INCENP: variants seen among roughly 807,000 people sequenced by gnomAD.
INCENP encodes binds and activates aurora-B and -C in vivo and in vitro.
A neutral mutation model predicts 107.3 loss-of-function variants in INCENP; 43 were observed. The observed-to-expected ratio is 0.40, with a 90% CI of 0.31 to 0.52. The LOEUF (loss-of-function observed/expected upper bound fraction) is 0.52. Among genes scored for constraint, INCENP ranks in the 20% least tolerant of loss-of-function variants. The probability of loss-of-function intolerance (pLI) is 0.53; values close to 1 mark genes in which losing one functional copy is unlikely to be tolerated. For missense variants in INCENP, 1,089 were observed against 1,250.9 expected (o/e 0.87, Z 1.95); for synonymous variants, 488 against 494.4 (o/e 0.99, Z 0.17).
At chr11:62,127,810 T>C (rs1446453567) in intron 1 of INCENP, among the ~76,000 whole-genome samples, 1 of 151,850 alleles carries the variant, frequency 6.6e-6, no homozygotes, top group East Asian at 1.9e-4. Context: ...CAGTGCCCTG[T>C]CATCTTAAGC....
chr11:62,131,550 T>C (rs1222163666), intron 4 of INCENP, among the ~76,000 whole-genome samples: 2 of 152,160 alleles, frequency 1.3e-5, no homozygotes, highest in Admixed American at 6.5e-5. Context: ...ATATGTGTTA[T>C]TGGCAGAGGG....
intron 10 of INCENP, 28 bp downstream of exon 10, chr11:62,141,072 T>C: frequency 6.2e-7 from 1 of 1,601,620 alleles, no homozygotes; most frequent in Non-Finnish European, 8.5e-7. Context: ...AGGCCGGGCT[T>C]TGTGGGAGCT....
chr11:62,125,552 A>G (rs982389128), intron 1 of INCENP, among the ~76,000 whole-genome samples: 4 of 152,236 alleles, frequency 2.6e-5, no homozygotes, highest in Non-Finnish European at 5.9e-5. Flanking sequence ...TTTCAGCCCA[A>G]AGCCTGTACG....
chr11:62,134,453 T>TA (rs1943950545), intron 4 of INCENP, among the ~76,000 whole-genome samples: 1 of 151,686 alleles, frequency 6.6e-6, no homozygotes, highest in South Asian at 2.1e-4. Context: ...TATTGATCGT[T>TA]ACTGTATTAA....
chr11:62,152,035 G>A lies in INCENP; in HGVS notation c.*59G>A, dbSNP rs1565105651. 5 of 1,349,500 alleles carry A rather than the reference G, an allele frequency of 3.7e-6. No individual in the cohort carries two copies. Among genetic ancestry groups the A allele is most frequent in the African/African-American group, 1.4e-5 (1 of 69,358 alleles). The allele number at this position is 1,349,500 out of a possible 1,614,324, so 83.6% of individuals were successfully genotyped here. On this transcript the variant is annotated 3_prime_UTR_variant, in exon 19 of 19. Coordinates refer to ENST00000394818, the MANE Select transcript of INCENP (RefSeq NM_001040694.2). ...CCTGTCCATGTCTATCTGTCTGTCT[G>A]TCGGTCTCTGTCTTGGTCTGTTGCC...
In INCENP at chr11:62,140,948, G is replaced by A; in HGVS notation, c.1497G>A (p.Val499=). 1 of 1,614,238 alleles carries A rather than the reference G, an allele frequency of 6.2e-7. No homozygotes were observed. Residue 499 remains valine, a synonymous_variant, in exon 10 of 19, where the codon GTG becomes GTA. Coordinates refer to ENST00000394818, the MANE Select transcript of INCENP (RefSeq NM_001040694.2). Reference sequence around the variant, plus strand: ...CCCTCCGGACCTTTCTGCACACAGTGCAGAGGAACCAGATGCTCATGACCC... The same window carrying A: ...CCCTCCGGACCTTTCTGCACACAGTACAGAGGAACCAGATGCTCATGACCC... ...VRPLRTFLHT[V]QRNQMLMTPT...
rs199621583 is a variant in INCENP at position 62,145,275 on chromosome 11, G to A, written c.1822G>A (p.Glu608Lys). The A allele has an allele frequency of 5.0e-5, 80 of 1,613,860 alleles. No individual in the cohort carries two copies. The South Asian group carries it at 6.8e-4, about 14-fold the overall frequency. Reference protein sequence around the residue: ...QIEQKFAQIDEKTEKAKEERL... With the variant: ...QIEQKFAQIDKKTEKAKEERL... ...TGAGCAGAAGTTTGCTCAGATCGAC[G>A]AGAAGACTGAGAAGGTGGGAGCCTG... is the stretch of plus-strand genomic sequence containing the variant. Residue 608 changes from glutamate (E) to lysine (K), a missense_variant, in exon 13 of 19, where the codon GAG (glutamate) becomes AAG (lysine). By Grantham distance (56) the Glu-to-Lys change is moderately conservative. Transcript: ENST00000394818.
intron 4 of INCENP, among the ~76,000 whole-genome samples, chr11:62,131,648 C>T (rs1943895826): frequency 6.6e-6 from 1 of 152,110 alleles, no homozygotes; most frequent in Non-Finnish European, 1.5e-5. Flanking sequence ...AACTTGACCC[C>T]ACTGAAGCAA....
At chr11:62,137,953 G>A (rs2069730206) in intron 5 of INCENP, 70 bp downstream of exon 5, 4 of 1,378,996 alleles carry the variant, frequency 2.9e-6, no homozygotes, top group Admixed American at 1.7e-5. Context: ...TGAGCACCAG[G>A]GCTGGAAGCA....
intron 16 of INCENP, 79 bp downstream of exon 16, chr11:62,148,633 G>A (rs1254136997): frequency 1.3e-6 from 2 of 1,495,212 alleles, no homozygotes; most frequent in Non-Finnish European, 9.1e-7. Flanking sequence ...AGCAGGGGCT[G>A]CCTAGGGAGG....
At position 62,130,537 on chromosome 11, in the gene INCENP, G is replaced by A; in HGVS notation, c.1010G>A (p.Arg337Lys). 2 of 1,613,970 alleles carry A rather than the reference G, an allele frequency of 1.2e-6. No individual in the cohort carries two copies. The highest frequency in any genetic ancestry group is 1.7e-6 in the Non-Finnish European group (2 of 1,180,032). The change falls in exon 4 of 19, where the codon AGA becomes AAA. Residue 337 changes from arginine (R) to lysine (K), a missense_variant. Coordinates refer to ENST00000394818, the MANE Select transcript of INCENP (RefSeq NM_001040694.2). ...GAAAGTGTTGTCCGCAGGGCGAGCAGAAGGCTTGCCAAGAAGACTGCCGAA... is the reference window on the plus strand; with the variant it reads ...GAAAGTGTTGTCCGCAGGGCGAGCAAAAGGCTTGCCAAGAAGACTGCCGAA... ...KQESVVRRASRRLAKKTAEEP... is the reference protein window; with the variant it reads ...KQESVVRRASKRLAKKTAEEP...
chr11:62,130,777 G>T (rs570121045), intron 4 of INCENP, among the ~76,000 whole-genome samples, 187 bp downstream of exon 4: 1 of 152,264 alleles, frequency 6.6e-6, no homozygotes, highest in African/African-American at 2.4e-5. Flanking sequence ...TCCTCAAAAT[G>T]TGGCTAGTGT....
chr11:62,128,078 T>A lies in INCENP; in HGVS notation c.-11-73T>A. 12 of 1,519,984 alleles carry A rather than the reference T, an allele frequency of 7.9e-6. No individual in the cohort carries two copies. In the South Asian group the frequency reaches 1.4e-4, roughly 18 times the overall value. The allele number at this position is 1,519,984 out of a possible 1,614,324, so 94.2% of individuals were successfully genotyped here. On this transcript the variant is annotated intron_variant, in intron 1 of 18. Transcript: ENST00000394818. ...GTGGTGGTTGTGGGTCAGGTGGGTA[T>A]TGCAGCTTGGAGAAAGCCCCAGACC...
Position 62,129,939 on chromosome 11 carries a change from T to C in INCENP, c.412T>C (p.Leu138=). The C allele has an allele frequency of 6.2e-7, 1 of 1,614,022 alleles. No homozygotes were observed. Among genetic ancestry groups the C allele is most frequent in the Non-Finnish European group, 8.5e-7 (1 of 1,180,012 alleles). The change falls in exon 4 of 19, where the codon TTG becomes CTG. Residue 138 remains leucine, a synonymous_variant. Transcript: ENST00000394818. ...AAAAAAATMA[L]AAPSSPTPES... is the part of the protein sequence containing the mutation. ...TGCAGCTGCCGCGGCTACCATGGCA[T>C]TGGCTGCACCTTCTTCACCCACCCC...
chr11:62,148,883 G>T (rs758088311), intron 17 of INCENP, 37 bp downstream of exon 17: 14 of 1,385,314 alleles, frequency 1.0e-5, no homozygotes, highest in Non-Finnish European at 1.4e-5. Flanking sequence ...CTCTCAGGTG[G>T]AGGGGCCCAC....
In INCENP at chr11:62,130,323, C is replaced by A; in HGVS notation, c.796C>A (p.Pro266Thr). 6.2e-7 allele frequency: 1 copy of A among 1,611,524 alleles called. No individual in the cohort carries two copies. Among genetic ancestry groups the A allele is most frequent in the East Asian group, 2.2e-5 (1 of 44,874 alleles). Residue 266 changes from proline to threonine, a missense_variant, in exon 4 of 19, where the codon CCA becomes ACA. Transcript: ENST00000394818. Reference sequence around the variant, plus strand: ...CAGGATTGCGCAGGTCTCCCCTGGCCCACGGGACTCGCCAGCCTTTCCAGA... The same window carrying A: ...CAGGATTGCGCAGGTCTCCCCTGGCACACGGGACTCGCCAGCCTTTCCAGA... ...KLRIAQVSPG[P>T]RDSPAFPDSP...
intron 1 of INCENP, among the ~76,000 whole-genome samples, chr11:62,127,038 G>GTTTTTTTTTTTTTTTT (rs1443465807): frequency 1.9e-5 from 2 of 103,318 alleles, no homozygotes; most frequent in African/African-American, 3.3e-5. Flanking sequence ...CAAGTTTTTT[G>GTTTTTTTTTTTTTTTT]TTTTGTTTTT....
At chr11:62,128,059 GT>G (rs997112161) in intron 1 of INCENP, 91 bp from the exon 2 acceptor site, 2 of 1,309,800 alleles carry the variant, frequency 1.5e-6, no homozygotes, top group African/African-American at 2.9e-5. Flanking sequence ...GTTTGTGGTG[GT>G]TGTGGGTCAG....
Position 62,148,540 on chromosome 11 carries a change from G to A in INCENP, c.2269G>A (p.Glu757Lys), listed in dbSNP as rs1327450913. ...GGAGCAGCTGCAGAGGGAACTGGAGGAGAAGAAGAAGAAGGTGAGGGGAGC... is the reference window on the plus strand; with the variant it reads ...GGAGCAGCTGCAGAGGGAACTGGAGAAGAAGAAGAAGAAGGTGAGGGGAGC... ...QKEQLQRELE[E>K]KKKKEEQQRL... The change falls in exon 16 of 19, where the codon GAG becomes AAG. Residue 757 changes from glutamate (E) to lysine (K), a missense_variant. Physicochemically the swap from Glu to Lys is moderately conservative, Grantham distance 56. Transcript: ENST00000394818. The A allele has an allele frequency of 9.3e-6, 15 of 1,607,158 alleles. No individual in the cohort carries two copies. The highest frequency in any genetic ancestry group is 1.7e-5 in the Admixed American group (1 of 58,668).
Sources: allele counts gnomAD v4.1 joint callset (sites outside exome capture counted in the v4.1 genomes callset), GRCh38; gene constraint gnomAD v4.1.1; transcripts MANE v1.5; gene names NCBI Gene and HGNC (gene_info 2026-07-23, HGNC 2026-07-21).